The following ZHX2 variants were observed in gnomAD, a reference collection of about 807,000 sequenced individuals.
The protein encoded by ZHX2 is zinc fingers and homeoboxes 2, also known as zinc fingers and homeoboxes protein 2.
In ZHX2, 6 loss-of-function variants were observed where a neutral mutation model predicts 21.9. The observed-to-expected ratio is 0.27, with a 90% CI of 0.15 to 0.54. The LOEUF is 0.54. Among genes scored for constraint, ZHX2 ranks in the 20% least tolerant of loss-of-function variants. ZHX2 has a pLI of 0.95. For missense variants in ZHX2, 908 were observed against 1,090.7 expected, an observed-to-expected ratio of 0.83 and a Z score of 2.36; for synonymous variants, 434 against 437.1, an observed-to-expected ratio of 0.99 and a Z score of 0.09.
At chr8:122,894,741 A>G (rs972385202) in intron 2 of ZHX2, among the ~76,000 whole-genome samples, 1 of 152,176 alleles carries the variant, frequency 6.6e-6, no homozygotes, top group Admixed American at 6.5e-5. Context: ...GCACATGTAT[A>G]TATATGTAAC....
At chr8:122,896,577 T>C (rs572665435) in intron 2 of ZHX2, among the ~76,000 whole-genome samples, 2 of 152,378 alleles carry the variant, frequency 1.3e-5, no homozygotes, top group East Asian at 3.8e-4. Flanking sequence ...TGATGCAACA[T>C]GCTAAGGCTC....
chr8:122,912,297 A>G (rs1261909224), intron 2 of ZHX2, among the ~76,000 whole-genome samples: 1 of 152,164 alleles, frequency 6.6e-6, no homozygotes, highest in Admixed American at 6.5e-5. Context: ...CAAAAAGAAA[A>G]TACCATCTGT....
At chr8:122,906,744 C>T (rs1367065529) in intron 2 of ZHX2, among the ~76,000 whole-genome samples, 1 of 146,722 alleles carries the variant, frequency 6.8e-6, no homozygotes, top group Non-Finnish European at 1.5e-5. Flanking sequence ...TATCTCAGCT[C>T]ACTGCAACTT....
At position 122,953,560 on chromosome 8, in the gene ZHX2, A is replaced by C. The variant is rs367798040; in HGVS notation, c.2050A>C (p.Lys684Gln). Residue 684 changes from lysine (K) to glutamine (Q), a missense_variant, in exon 3 of 4, where the codon AAA becomes CAA. Physicochemically the swap from Lys to Gln is moderately conservative, Grantham distance 53. Around this residue, in one of 4 missense-constraint regions of ZHX2, gnomAD observed 431 missense variants for 428.6 expected, o/e 1.01. Coordinates refer to ENST00000314393, the MANE Select transcript of ZHX2 (RefSeq NM_014943.5). This position sits in a 1 kb window ranked among gnomAD's most constrained non-coding sequence, Gnocchi z 4.6. ...RWFKENRCLL[K>Q]TGTVKWMEQY... ...GTTCAAGGAGAACAGATGCTTGCTG[A>C]AAACGGGAACCGTGAAGTGGATGGA... 9.3e-6 allele frequency: 15 copies of C among 1,614,128 alleles called. No homozygotes were observed. The African/African-American group carries it at 1.9e-4, about 20-fold the overall frequency.
chr8:122,929,423 A>G (rs1406203222), intron 2 of ZHX2, among the ~76,000 whole-genome samples: 1 of 152,186 alleles, frequency 6.6e-6, no homozygotes, highest in African/African-American at 2.4e-5. Flanking sequence ...CGGGCAGATC[A>G]CTTGAGGTCA....
intron 2 of ZHX2, among the ~76,000 whole-genome samples, chr8:122,896,493 C>T (rs888466330): frequency 2.0e-5 from 3 of 152,192 alleles, no homozygotes; most frequent in African/African-American, 7.2e-5. Flanking sequence ...TACAGAAACA[C>T]TGTGAAGTAA....
At chr8:122,826,269 G>A (rs907213324) in intron 1 of ZHX2, among the ~76,000 whole-genome samples, 11 of 152,188 alleles carry the variant, frequency 7.2e-5, no homozygotes, top group Non-Finnish European at 1.5e-4. Context: ...TGTTCCCAAC[G>A]GTTTTTCCCA....
At chr8:122,861,241 T>G (rs908911906) in intron 1 of ZHX2, among the ~76,000 whole-genome samples, 9 of 152,084 alleles carry the variant, frequency 5.9e-5, no homozygotes, top group Non-Finnish European at 1.2e-4. Flanking sequence ...GTCAGGGATC[T>G]TTGCATCCAG....
intron 2 of ZHX2, among the ~76,000 whole-genome samples, chr8:122,887,841 T>C (rs1259383648): frequency 7.0e-6 from 1 of 143,488 alleles, no homozygotes; most frequent in Non-Finnish European, 1.5e-5. Flanking sequence ...ACCACCCCCA[T>C]GTCTGAGTCT....
At chr8:122,784,085 C>A (rs1270189849) in intron 1 of ZHX2, among the ~76,000 whole-genome samples, 1 of 152,214 alleles carries the variant, frequency 6.6e-6, no homozygotes, top group Non-Finnish European at 1.5e-5. Flanking sequence ...GGGGAAAACA[C>A]CACTGTTTGT....
At chr8:122,830,767 G>C (rs914108197) in intron 1 of ZHX2, among the ~76,000 whole-genome samples, 3 of 152,132 alleles carry the variant, frequency 2.0e-5, no homozygotes, top group African/African-American at 7.2e-5. Flanking sequence ...CTCAGAGTCT[G>C]GTAAGGATGG....
At chr8:122,944,255 G>A (rs543212691) in intron 2 of ZHX2, among the ~76,000 whole-genome samples, 37 of 152,224 alleles carry the variant, frequency 2.4e-4, no homozygotes, top group African/African-American at 8.9e-4. Context: ...ACCCTCTCTG[G>A]TCTTGGTTCT....
At chr8:122,833,714 G>C (rs913784678) in intron 1 of ZHX2, among the ~76,000 whole-genome samples, 1 of 151,994 alleles carries the variant, frequency 6.6e-6, no homozygotes, top group African/African-American at 2.4e-5. Context: ...AAGAGTGAGC[G>C]GGCCGGGCGC....
At chr8:122,858,360 G>A (rs917622668) in intron 1 of ZHX2, among the ~76,000 whole-genome samples, 4 of 152,226 alleles carry the variant, frequency 2.6e-5, no homozygotes, top group African/African-American at 9.7e-5. Context: ...CCCTCGGGGA[G>A]GGCATTTCTC....
intron 2 of ZHX2, among the ~76,000 whole-genome samples, chr8:122,887,240 G>A (rs1311541803): frequency 2.6e-5 from 4 of 152,094 alleles, no homozygotes; most frequent in South Asian, 2.1e-4. Flanking sequence ...TCAGCCGGGC[G>A]TGGTGGCTCA....
intron 2 of ZHX2, among the ~76,000 whole-genome samples, chr8:122,933,221 C>T (rs1443998110): frequency 1.3e-5 from 2 of 151,972 alleles, no homozygotes; most frequent in Non-Finnish European, 1.5e-5. Flanking sequence ...GGAGTGTGCA[C>T]GAATCACCCA....
chr8:122,846,737 G>A (rs1221191680), intron 1 of ZHX2, among the ~76,000 whole-genome samples: 3 of 151,696 alleles, frequency 2.0e-5, no homozygotes, highest in Admixed American at 6.6e-5. Flanking sequence ...GAAAGTAATG[G>A]CAAAACTGCA....
intron 2 of ZHX2, among the ~76,000 whole-genome samples, chr8:122,883,108 C>T (rs60943339): frequency 0.062 from 9,418 of 152,240 alleles, 982 homozygotes; most frequent in African/African-American, 0.22. Context: ...CCCAAGATCT[C>T]GCCCTTCCCT....
In ZHX2 at chr8:122,962,722, A is replaced by T. The variant is rs190343516; in HGVS notation, c.*4+8694A>T. On this transcript the variant is annotated intron_variant, in intron 3 of 3. Coordinates refer to ENST00000314393, the MANE Select transcript of ZHX2 (RefSeq NM_014943.5). ...CCATACTGTTTTTCATAGTGGTTGT[A>T]CTAGTTTACATTTCCACCAGCATTG... Among the ~76,000 whole-genome samples the T allele has an allele frequency of 2.7e-3, 404 of 152,310 alleles. 1 individual carries two copies. Among genetic ancestry groups the T allele is most frequent in the African/African-American group, 9.2e-3 (381 of 41,562 alleles).
Sources: allele counts gnomAD v4.1 joint callset (sites outside exome capture counted in the v4.1 genomes callset), GRCh38; gene constraint gnomAD v4.1.1; regional missense constraint gnomAD v4.1.1; non-coding constraint Gnocchi (gnomAD v3.1); transcripts MANE v1.5; gene names NCBI Gene and HGNC (gene_info 2026-07-23, HGNC 2026-07-21).